TTC39C: variants seen among roughly 807,000 people sequenced by gnomAD.
TTC39C encodes tetratricopeptide repeat protein 39C.
A neutral mutation model predicts 76.3 loss-of-function variants in TTC39C; 33 were observed. That is an observed-to-expected ratio of 0.43 (90% confidence interval 0.33 to 0.58). The LOEUF is 0.58. Among genes scored for constraint, TTC39C ranks in the 20% least tolerant of loss-of-function variants. The pLI, the probability that TTC39C is intolerant of heterozygous loss-of-function variation, is 0.04. For synonymous variants in TTC39C, 254 were observed against 260.6 expected, an observed-to-expected ratio of 0.97 and a Z score of 0.24; for missense variants, 595 against 701.4, an observed-to-expected ratio of 0.85 and a Z score of 1.71.
chr18:24,006,388 TC>T (rs2083352259), intron 1 of TTC39C: 1 of 152,168 alleles, frequency 6.6e-6, no homozygotes, highest in African/African-American at 2.4e-5. Flanking sequence ...ACAGATGCTT[TC>T]TTTAAGGTAT....
At chr18:24,105,635 T>G (rs979535120) in intron 6 of TTC39C, among the ~76,000 whole-genome samples, 8 of 152,180 alleles carry the variant, frequency 5.3e-5, no homozygotes, top group African/African-American at 1.9e-4. Context: ...CTTGCCTCAC[T>G]TGAGTCAGGT....
At chr18:24,126,038 T>C (rs1207185343) in intron 10 of TTC39C, among the ~76,000 whole-genome samples, 1 of 152,002 alleles carries the variant, frequency 6.6e-6, no homozygotes, top group Non-Finnish European at 1.5e-5. Context: ...AATACAAAAA[T>C]TATCTGGGCG....
intron 6 of TTC39C, among the ~76,000 whole-genome samples, chr18:24,098,240 A>G (rs1304223390): frequency 2.6e-5 from 4 of 152,042 alleles, no homozygotes; most frequent in African/African-American, 9.7e-5. Context: ...CATTTTGACT[A>G]TAAAATTTTT....
At chr18:24,010,494 TTAAA>T (rs1254140210), upstream of TTC39C, among the ~76,000 whole-genome samples, 1 of 152,232 alleles carries the variant, frequency 6.6e-6, no homozygotes, top group African/African-American at 2.4e-5. Flanking sequence ...AGGTAGTTAA[TTAAA>T]TCTTACTTCA....
At chr18:24,107,290 C>G (rs1298548868) in intron 6 of TTC39C, among the ~76,000 whole-genome samples, 2 of 115,500 alleles carry the variant, frequency 1.7e-5, no homozygotes, top group East Asian at 4.0e-4. Flanking sequence ...TTCTCTAACA[C>G]ACACACACAC....
At chr18:24,030,741 C>T (rs192121367) in intron 1 of TTC39C, among the ~76,000 whole-genome samples, 5 of 147,854 alleles carry the variant, frequency 3.4e-5, no homozygotes, top group African/African-American at 1.2e-4. Flanking sequence ...ACCTCCACCT[C>T]CCAGGTTCAA....
chr18:24,044,518 C>T (rs1013991605), intron 1 of TTC39C, among the ~76,000 whole-genome samples: 4 of 152,232 alleles, frequency 2.6e-5, no homozygotes, highest in South Asian at 4.2e-4. Flanking sequence ...TCTGGGCAGG[C>T]TCAGTGTAGC....
At position 24,101,414 on chromosome 18, in the gene TTC39C, C is replaced by A. The variant is rs186835194; in HGVS notation, c.985-13140C>A. Among the ~76,000 whole-genome samples the A allele has an allele frequency of 8.5e-5, 13 of 152,230 alleles. No homozygotes were observed. The East Asian group carries it at 2.3e-3, about 27-fold the overall frequency. ...ACCAGGTCAAGAGATCGAGACCATC[C>A]TGGCCAACACAGGGAAACCCCGTCT... On this transcript the variant is annotated intron_variant, in intron 6 of 13. Coordinates refer to ENST00000317571, the MANE Select transcript of TTC39C (RefSeq NM_001135993.2).
chr18:24,080,250 A>G (rs1007950867), intron 4 of TTC39C, among the ~76,000 whole-genome samples: 2 of 152,214 alleles, frequency 1.3e-5, no homozygotes, highest in East Asian at 1.9e-4. Flanking sequence ...AGGGTTTCAC[A>G]GAACTCGTGA....
chr18:24,123,529 C>T lies in TTC39C; in HGVS notation c.1187-305C>T, dbSNP rs767954107. 2.0e-5 allele frequency: 4 copies of T among 203,086 alleles called. No individual in the cohort carries two copies. In the Admixed American group the frequency reaches 2.4e-4, roughly 12 times the overall value. 12.6% of individuals were successfully genotyped at this position (203,086 alleles called of 1,614,324 possible). A position where few individuals can be genotyped will look rare whatever the true frequency, so the allele number is the denominator to read the frequency against. On this transcript the variant is annotated intron_variant, in intron 8 of 13. Coordinates refer to ENST00000317571, the MANE Select transcript of TTC39C (RefSeq NM_001135993.2). ...TCAAGCGATTCTCCTGCCTTAGCCT[C>T]GCAAGTAGCTGGGATTACAGGCATG...
intron 7 of TTC39C, among the ~76,000 whole-genome samples, chr18:24,116,265 G>A (rs1286981072): frequency 6.6e-6 from 1 of 152,178 alleles, no homozygotes; most frequent in African/African-American, 2.4e-5. Flanking sequence ...AGCCCAGGCC[G>A]GGCACGGTGG....
chr18:24,088,280 C>T (rs766464492), intron 6 of TTC39C, among the ~76,000 whole-genome samples: 1 of 152,184 alleles, frequency 6.6e-6, no homozygotes, highest in Non-Finnish European at 1.5e-5. Context: ...AAAGTAAATA[C>T]ATTAAATGAA....
At chr18:24,010,634 T>C (rs1156972513), upstream of TTC39C, among the ~76,000 whole-genome samples, 1 of 152,214 alleles carries the variant, frequency 6.6e-6, no homozygotes, top group East Asian at 1.9e-4. Context: ...TGATGGATAA[T>C]ATGGATTTAC....
intron 1 of TTC39C, among the ~76,000 whole-genome samples, chr18:24,039,488 G>A (rs962925311): frequency 6.6e-6 from 1 of 152,212 alleles, no homozygotes; most frequent in Non-Finnish European, 1.5e-5. Context: ...CCATTGGCAG[G>A]TTTTTGTTTT....
At chr18:24,082,078 C>T (rs561963381) in intron 5 of TTC39C, among the ~76,000 whole-genome samples, 18 of 137,584 alleles carry the variant, frequency 1.3e-4, no homozygotes, top group African/African-American at 4.4e-4. Context: ...AGTGCAGTGG[C>T]GCGATCTCGG....
intron 1 of TTC39C, among the ~76,000 whole-genome samples, chr18:24,030,531 CA>C (rs1410258287): frequency 2.0e-5 from 3 of 151,812 alleles, no homozygotes; most frequent in Non-Finnish European, 4.4e-5. Flanking sequence ...CCTGCACAGA[CA>C]AACAGTGACA....
chr18:24,072,872 G>C (rs1265294008), intron 4 of TTC39C, among the ~76,000 whole-genome samples: 2 of 152,018 alleles, frequency 1.3e-5, no homozygotes, highest in African/African-American at 4.8e-5. Context: ...TGTATTCTTG[G>C]CAACATATAT....
At chr18:24,036,926 C>A (rs2083739473) in intron 1 of TTC39C, among the ~76,000 whole-genome samples, 1 of 152,180 alleles carries the variant, frequency 6.6e-6, no homozygotes, top group South Asian at 2.1e-4. Context: ...AGCCACCGTG[C>A]CTGGCCATTT....
chr18:24,052,246 T>A (rs925473254), intron 1 of TTC39C, among the ~76,000 whole-genome samples: 2 of 152,204 alleles, frequency 1.3e-5, no homozygotes, highest in Non-Finnish European at 2.9e-5. Flanking sequence ...TTTGCGTCAC[T>A]GTTTATTAGA....
Sources: allele counts gnomAD v4.1 joint callset (sites outside exome capture counted in the v4.1 genomes callset), GRCh38; gene constraint gnomAD v4.1.1; transcripts MANE v1.5; gene names NCBI Gene and HGNC (gene_info 2026-07-23, HGNC 2026-07-21).